ANKRD11: variants seen among roughly 807,000 people sequenced by gnomAD.
ANKRD11 encodes the protein ankyrin repeat domain-containing protein 11.
In ANKRD11, 17 loss-of-function variants were observed where a neutral mutation model predicts 195.7. The ratio of observed to expected loss-of-function variants is 0.09; its 90% CI spans 0.06 to 0.13. The LOEUF is 0.13. ANKRD11 is among the 10% of genes least tolerant of loss of function. The pLI, the probability that ANKRD11 is intolerant of heterozygous loss-of-function variation, is 1.00. For synonymous variants in ANKRD11, 1,953 were observed against 1,528.1 expected (o/e 1.28, Z -6.49); for missense variants, 3,735 against 3,566.1 (o/e 1.05, Z -1.21).
intron 3 of ANKRD11, among the ~76,000 whole-genome samples, chr16:89,306,797 C>T (rs1398271978): frequency 0.022 from 250 of 11,196 alleles, 116 homozygotes; most frequent in South Asian, 0.091. Context: ...CTACCTCCCA[C>T]TCCGCAGACA....
chr16:89,364,805 G>A (rs998143246), intron 2 of ANKRD11, among the ~76,000 whole-genome samples: 1 of 152,098 alleles, frequency 6.6e-6, no homozygotes, highest in Admixed American at 6.6e-5. Flanking sequence ...ATCTCATCTC[G>A]GCTCCAAGTG....
chr16:89,482,833 C>T (rs367821481), intron 1 of ANKRD11, among the ~76,000 whole-genome samples: 14 of 152,348 alleles, frequency 9.2e-5, no homozygotes, highest in East Asian at 7.7e-4. Flanking sequence ...TGCCATGAGG[C>T]TGGCTTTGAA....
chr16:89,454,194 G>C (rs1447525489), intron 1 of ANKRD11, among the ~76,000 whole-genome samples: 3 of 152,130 alleles, frequency 2.0e-5, no homozygotes, highest in African/African-American at 7.2e-5. Context: ...AGCCTGAAGA[G>C]CTGCTCTCAG....
intron 4 of ANKRD11, among the ~76,000 whole-genome samples, chr16:89,304,013 G>A (rs528414229): frequency 1.3e-5 from 2 of 152,320 alleles, no homozygotes; most frequent in East Asian, 1.9e-4. Context: ...GCACTCTCCC[G>A]GTTCACTCCA....
At chr16:89,390,758 A>G (rs1331410963) in intron 2 of ANKRD11, among the ~76,000 whole-genome samples, 1 of 152,208 alleles carries the variant, frequency 6.6e-6, no homozygotes, top group East Asian at 1.9e-4. Context: ...AATCTTTCAA[A>G]AACAATGCTG....
In ANKRD11 at chr16:89,396,530, C is replaced by T. The variant is rs1204278176; in HGVS notation, c.-60+21754G>A. On this transcript the variant is annotated intron_variant, in intron 2 of 12. Coordinates refer to ENST00000301030, the MANE Select transcript of ANKRD11 (RefSeq NM_013275.6). Reference sequence around the variant, plus strand: ...TTTATTAAAAATATGCTTCCATTTTCCCACTAGATTTTTTTTTTGTATACT... The same window carrying T: ...TTTATTAAAAATATGCTTCCATTTTTCCACTAGATTTTTTTTTTGTATACT... 2.0e-5 allele frequency among the ~76,000 whole-genome samples: 3 copies of T among 152,076 alleles called. No homozygotes were observed. The East Asian group carries it at 5.8e-4, about 29-fold the overall frequency.
chr16:89,446,012 A>AC (rs2043774125), intron 1 of ANKRD11, among the ~76,000 whole-genome samples: 2 of 151,806 alleles, frequency 1.3e-5, no homozygotes, highest in African/African-American at 4.8e-5. Context: ...AAAAAAAAAA[A>AC]AAAAAAAACC....
chr16:89,272,311 C>T (rs948440097), intron 11 of ANKRD11: 1 of 152,212 alleles, frequency 6.6e-6, no homozygotes, highest in Non-Finnish European at 1.5e-5. Context: ...TAAATTAAAA[C>T]AGCCGCCGTG....
intron 4 of ANKRD11, among the ~76,000 whole-genome samples, chr16:89,304,903 G>C (rs1366752944): frequency 2.0e-5 from 3 of 152,220 alleles, no homozygotes; most frequent in Non-Finnish European, 2.9e-5. Flanking sequence ...GCTGTCAGAA[G>C]ACCCACAGGT....
intron 3 of ANKRD11, among the ~76,000 whole-genome samples, chr16:89,306,673 T>C (rs1237535564): frequency 4.0e-4 from 9 of 22,466 alleles, no homozygotes; most frequent in East Asian, 2.7e-3. Context: ...TGCAGACACG[T>C]GCCACCTCCC....
At chr16:89,317,976 A>G (rs2037065564) in intron 2 of ANKRD11, among the ~76,000 whole-genome samples, 1 of 152,120 alleles carries the variant, frequency 6.6e-6, no homozygotes, top group African/African-American at 2.4e-5. Context: ...GTGTCCCTAC[A>G]GCACAAAGCC....
At chr16:89,317,683 C>G (rs1308394158) in intron 2 of ANKRD11, among the ~76,000 whole-genome samples, 1 of 152,206 alleles carries the variant, frequency 6.6e-6, no homozygotes, top group Admixed American at 6.5e-5. Flanking sequence ...GAAGCAGACG[C>G]CCCCTCGGGC....
chr16:89,340,245 T>G, intron 2 of ANKRD11, among the ~76,000 whole-genome samples: 1 of 152,224 alleles, frequency 6.6e-6, no homozygotes, highest in Admixed American at 6.5e-5. Flanking sequence ...CATCTTTCAC[T>G]TTTGATTAGG....
chr16:89,343,044 C>T (rs2170839), intron 2 of ANKRD11, among the ~76,000 whole-genome samples: 1 of 152,060 alleles, frequency 6.6e-6, no homozygotes, highest in East Asian at 1.9e-4. Flanking sequence ...ATTTGAGACG[C>T]AGTCTTGCTG....
At chr16:89,371,679 C>A (rs2040200513) in intron 2 of ANKRD11, among the ~76,000 whole-genome samples, 1 of 152,150 alleles carries the variant, frequency 6.6e-6, no homozygotes, top group Non-Finnish European at 1.5e-5. Flanking sequence ...CCCCTGCACC[C>A]CCTCAGGATG....
chr16:89,448,123 G>T (rs1361828002), intron 1 of ANKRD11, among the ~76,000 whole-genome samples: 1 of 146,192 alleles, frequency 6.8e-6, no homozygotes, highest in Admixed American at 7.0e-5. Context: ...CTGAAGCAGG[G>T]ATGACTTTGT....
At chr16:89,409,980 C>CA in intron 2 of ANKRD11, among the ~76,000 whole-genome samples, 1 of 152,246 alleles carries the variant, frequency 6.6e-6, no homozygotes, top group East Asian at 1.9e-4. Context: ...GCTGGGACTA[C>CA]AGGCGCCCGC....
At chr16:89,462,638 G>C (rs74474871) in intron 1 of ANKRD11, among the ~76,000 whole-genome samples, 1 of 150,684 alleles carries the variant, frequency 6.6e-6, no homozygotes, top group Non-Finnish European at 1.5e-5. Context: ...ACCTCTTCCC[G>C]GCCGCCATCA....
chr16:89,349,714 G>A (rs906853324), intron 2 of ANKRD11, among the ~76,000 whole-genome samples: 2 of 152,170 alleles, frequency 1.3e-5, no homozygotes, highest in South Asian at 2.1e-4. Flanking sequence ...CTTGCTCTAC[G>A]ATGCTGGCTT....
Sources: allele counts gnomAD v4.1 joint callset (sites outside exome capture counted in the v4.1 genomes callset), GRCh38; gene constraint gnomAD v4.1.1; transcripts MANE v1.5; gene names NCBI Gene and HGNC (gene_info 2026-07-23, HGNC 2026-07-21).